OCIAD1: variants seen among roughly 807,000 people sequenced by gnomAD.
The protein encoded by OCIAD1 is OCIA domain containing 1, also known as OCIA domain-containing protein 1.
Under a neutral mutation model 38.9 loss-of-function variants are expected in OCIAD1, and 29 were observed. The observed-to-expected ratio is 0.74, with a 90% CI of 0.55 to 1.02. The LOEUF (loss-of-function observed/expected upper bound fraction) is 1.02. OCIAD1 is among the 50% of genes least tolerant of loss of function. The pLI is 0.00. For missense variants in OCIAD1, 288 were observed against 289.6 expected, an observed-to-expected ratio of 0.99 and a Z score of 0.04; for synonymous variants, 110 against 92.0, an observed-to-expected ratio of 1.20 and a Z score of -1.12.
intron 1 of OCIAD1, among the ~76,000 whole-genome samples, chr4:48,825,990 C>T (rs1220138631): frequency 6.6e-6 from 1 of 151,940 alleles, no homozygotes; most frequent in African/African-American, 2.4e-5. Context: ...GCATGCACCA[C>T]CACGCCTGGC....
chr4:48,860,606 T>G (rs1780511211), intron 8 of OCIAD1, 119 bp from the exon 9 acceptor site: 7 of 811,594 alleles, frequency 8.6e-6, no homozygotes, highest in Non-Finnish European at 1.5e-5. Context: ...AATTTGACTC[T>G]CATGTGCTTT....
At chr4:48,851,634 T>A (rs565120961) in intron 6 of OCIAD1, among the ~76,000 whole-genome samples, 172 bp from the exon 7 acceptor site, 12 of 152,136 alleles carry the variant, frequency 7.9e-5, no homozygotes, top group African/African-American at 2.7e-4. Context: ...CAAGACTGCG[T>A]CACTGCACTA....
intron 1 of OCIAD1, among the ~76,000 whole-genome samples, chr4:48,820,614 C>G (rs1278256261): frequency 6.6e-6 from 1 of 152,128 alleles, no homozygotes; most frequent in African/African-American, 2.4e-5. Flanking sequence ...AATCCAGGAG[C>G]TGGTTTTTTG....
rs2109642532 is a variant in OCIAD1, at chr4:48,860,963, A to G, written c.*201A>G. 1 of 558,952 alleles carries G rather than the reference A, an allele frequency of 1.8e-6. No homozygotes were observed. Among genetic ancestry groups the G allele is most frequent in the Middle Eastern group, 2.9e-4 (1 of 3,414 alleles). The allele number at this position is 558,952 out of a possible 1,614,324, so 34.6% of individuals were successfully genotyped here. Reference sequence around the variant, plus strand: ...AATATTGTGTAAATGTACTCACCTTAGGGATTCATTTGAATGATGGTATTA... The same window carrying G: ...AATATTGTGTAAATGTACTCACCTTGGGGATTCATTTGAATGATGGTATTA... On this transcript the variant is annotated 3_prime_UTR_variant, in exon 9 of 9. Transcript: ENST00000264312.
At chr4:48,809,482 C>T (rs1174217089) in intron 1 of OCIAD1, among the ~76,000 whole-genome samples, 2 of 151,904 alleles carry the variant, frequency 1.3e-5, no homozygotes, top group Admixed American at 6.6e-5. Flanking sequence ...GTCAAGATTG[C>T]GCCACTGCAC....
intron 7 of OCIAD1, among the ~76,000 whole-genome samples, chr4:48,854,568 T>C (rs1779836218): frequency 6.6e-6 from 1 of 152,216 alleles, no homozygotes; most frequent in Non-Finnish European, 1.5e-5. Flanking sequence ...ATATAGTTTT[T>C]TTCCATACAA....
chr4:48,857,369 T>G lies in OCIAD1; in HGVS notation c.700+4T>G. The G allele has an allele frequency of 6.5e-7, 1 of 1,534,100 alleles. No individual in the cohort carries two copies. Among genetic ancestry groups the G allele is most frequent in the Non-Finnish European group, 8.7e-7 (1 of 1,144,318 alleles). On this transcript the variant is annotated splice_donor_region_variant and intron_variant, in intron 8 of 8. Coordinates refer to ENST00000264312, the MANE Select transcript of OCIAD1 (RefSeq NM_017830.4). ...GAAAGAGTGCCAAAAAAAGAAGGTA[T>G]GATAGTTTAGTCTGAATCACTTTAC...
At chr4:48,814,749 CA>C (rs1777128579) in intron 1 of OCIAD1, among the ~76,000 whole-genome samples, 1 of 151,862 alleles carries the variant, frequency 6.6e-6, no homozygotes, top group Non-Finnish European at 1.5e-5. Context: ...TCAAGAAAAA[CA>C]AAAAAGAACT....
intron 1 of OCIAD1, among the ~76,000 whole-genome samples, chr4:48,812,551 G>A (rs916031489): frequency 7.9e-5 from 12 of 151,972 alleles, no homozygotes; most frequent in South Asian, 4.2e-4. Flanking sequence ...CAAGAGAAGA[G>A]AATAAAGGAG....
intron 1 of OCIAD1, among the ~76,000 whole-genome samples, chr4:48,824,544 CTTATTA>C (rs146978409): frequency 6.6e-6 from 1 of 150,754 alleles, no homozygotes; most frequent in Non-Finnish European, 1.5e-5. Context: ...GCACACCCAC[CTTATTA>C]TTATTATTAT....
chr4:48,838,735 T>C (rs1778241307), intron 3 of OCIAD1, among the ~76,000 whole-genome samples: 1 of 152,230 alleles, frequency 6.6e-6, no homozygotes, highest in Non-Finnish European at 1.5e-5. Flanking sequence ...AAAAAGCACT[T>C]ACTAAGGTAA....
At chr4:48,809,064 TC>T (rs1777059864) in intron 1 of OCIAD1, among the ~76,000 whole-genome samples, 1 of 152,236 alleles carries the variant, frequency 6.6e-6, no homozygotes, top group African/African-American at 2.4e-5. Flanking sequence ...TTCATTTTTT[TC>T]CTTGTATTAC....
At chr4:48,848,656 T>A in intron 5 of OCIAD1, 1 of 370,188 alleles carries the variant, frequency 2.7e-6, no homozygotes, top group Non-Finnish European at 4.8e-6. Flanking sequence ...TTTTTTTGTG[T>A]CTTTATAATG....
intron 1 of OCIAD1, among the ~76,000 whole-genome samples, chr4:48,809,398 C>T (rs1230993274): frequency 2.6e-5 from 4 of 151,960 alleles, no homozygotes; most frequent in Admixed American, 6.6e-5. Flanking sequence ...GTGGTGGGCG[C>T]CAATAATCCC....
intron 1 of OCIAD1, among the ~76,000 whole-genome samples, chr4:48,811,717 T>A (rs989304281): frequency 6.6e-6 from 1 of 152,022 alleles, no homozygotes; most frequent in Admixed American, 6.6e-5. Context: ...ATAAATCCAA[T>A]AGGAGTCACA....
intron 1 of OCIAD1, among the ~76,000 whole-genome samples, chr4:48,816,740 G>A (rs2078575486): frequency 6.6e-6 from 1 of 152,010 alleles, no homozygotes; most frequent in Non-Finnish European, 1.5e-5. Context: ...GGAGGCCAAG[G>A]CAGGAGGAAC....
At chr4:48,836,417 G>A (rs1777993547) in intron 3 of OCIAD1, among the ~76,000 whole-genome samples, 1 of 152,212 alleles carries the variant, frequency 6.6e-6, no homozygotes, top group South Asian at 2.1e-4. Flanking sequence ...CTTGTTTGAA[G>A]ATGAGTTTAG....
intron 8 of OCIAD1, among the ~76,000 whole-genome samples, chr4:48,859,623 T>A (rs2109635874): frequency 6.6e-6 from 1 of 152,322 alleles, no homozygotes; most frequent in South Asian, 2.1e-4. Flanking sequence ...GTGAAATGAT[T>A]TTTTCTTTTT....
chr4:48,855,565 C>A (rs1370888254), intron 7 of OCIAD1, among the ~76,000 whole-genome samples: 1 of 152,068 alleles, frequency 6.6e-6, no homozygotes, highest in Non-Finnish European at 1.5e-5. Context: ...TGCCTGTAAT[C>A]CCAGCACTTT....
Sources: allele counts gnomAD v4.1 joint callset (sites outside exome capture counted in the v4.1 genomes callset), GRCh38; gene constraint gnomAD v4.1.1; transcripts MANE v1.5; gene names NCBI Gene and HGNC (gene_info 2026-07-23, HGNC 2026-07-21).